Variants in MAN2C1 observed in about 807,000 individuals in gnomAD.
MAN2C1 encodes the protein mannosidase alpha class 2C member 1, also known as alpha-mannosidase 2C1.
A neutral mutation model predicts 126.9 loss-of-function variants in MAN2C1; 111 were observed. That is an observed-to-expected ratio of 0.87 (90% CI 0.75 to 1.02). The LOEUF (loss-of-function observed/expected upper bound fraction) is 1.02. MAN2C1 is among the 50% of genes least tolerant of loss of function. MAN2C1 has a pLI of 0.00. For missense variants in MAN2C1, 1,363 were observed against 1,364.4 expected, an observed-to-expected ratio of 1.00 and a Z score of 0.02; for synonymous variants, 567 against 561.5, an observed-to-expected ratio of 1.01 and a Z score of -0.14.
rs1555433832 is a variant in MAN2C1, at chr15:75,356,158, T to TGGCTGCC, written c.2941_2947dup (p.His983ArgfsTer84). 10 of 1,613,464 alleles carry TGGCTGCC rather than the reference T, an allele frequency of 6.2e-6. No individual in the cohort carries two copies. Among genetic ancestry groups the TGGCTGCC allele is most frequent in the African/African-American group, 1.3e-5 (1 of 74,922 alleles). ...CGACAAGTGCAGCCAGCAGTCCACGTGGCTGCCGTGGGCCTCATACAGCCT... is the reference window on the plus strand; with the variant it reads ...CGACAAGTGCAGCCAGCAGTCCACGTGGCTGCCGGCTGCCGTGGGCCTCATACAGCCT... On this transcript the variant is annotated frameshift_variant, in exon 25 of 26. Coordinates refer to ENST00000267978, the MANE Select transcript of MAN2C1 (RefSeq NM_006715.4). LOFTEE classifies it high-confidence loss of function. The surrounding 1 kb of genome is among the most constrained non-coding windows in gnomAD (Gnocchi z 5.8).
chr15:75,356,399 G>A lies in MAN2C1; in HGVS notation c.2788C>T (p.Pro930Ser), dbSNP rs757374453. 1.9e-6 allele frequency: 3 copies of A among 1,610,712 alleles called. No homozygotes were observed. The highest frequency in any genetic ancestry group is 1.3e-5 in the African/African-American group (1 of 75,030). ...CTGGGGGCTGGCAGAGCCAACAGGG[G>A]GAAGTTTAGGCTGTAGGCAGCTTGG... ...VIQAAYSLNF[P>S]LLALPAPSPA... Residue 930 changes from proline (P) to serine (S), a missense_variant, in exon 24 of 26, where the codon CCC (proline) becomes TCC (serine). Physicochemically the swap from Pro to Ser is moderately conservative, Grantham distance 74. Around this residue, in one of 3 missense-constraint regions of MAN2C1, gnomAD observed 668 missense variants for 650.1 expected, o/e 1.03. Coordinates refer to ENST00000267978, the MANE Select transcript of MAN2C1 (RefSeq NM_006715.4). This position sits in a 1 kb window ranked among gnomAD's most constrained non-coding sequence, Gnocchi z 5.8.
Position 75,361,903 on chromosome 15 carries a change from C to A in MAN2C1, c.1053G>T (p.Leu351Phe). ...PSGEAMVRQF[L>F]QGQNFFLQEF... ...CCTGCAGAAAGAAGTTCTGGCCCTG[C>A]AAAAACTGCCTCACCATGGCCTCTC... The change falls in exon 9 of 26, where the codon TTG becomes TTT. Residue 351 changes from leucine to phenylalanine, a missense_variant. By Grantham distance (22) the Leu-to-Phe change is conservative (BLOSUM62 0). Transcript: ENST00000267978. The surrounding 1 kb of genome is among the most constrained non-coding windows in gnomAD (Gnocchi z 5.0). The A allele has an allele frequency of 6.2e-7, 1 of 1,614,120 alleles. No homozygotes were observed.
At position 75,357,021 on chromosome 15, in the gene MAN2C1, C is replaced by T. The variant is rs185152041; in HGVS notation, c.2548-119G>A. Reference sequence around the variant, plus strand: ...CTAGAACCACACAACTGAACTCCAGCTCCCACTGTACGGGGCCCTGGGCAT... The same window carrying T: ...CTAGAACCACACAACTGAACTCCAGTTCCCACTGTACGGGGCCCTGGGCAT... On this transcript the variant is annotated intron_variant, in intron 21 of 25. Coordinates refer to ENST00000267978, the MANE Select transcript of MAN2C1 (RefSeq NM_006715.4). 1.1e-3 allele frequency: 847 copies of T among 790,614 alleles called. 4 individuals are homozygous for T. The highest frequency in any genetic ancestry group is 1.5e-3 in the Admixed American group (67 of 44,414). 49.0% of individuals were successfully genotyped at this position (790,614 alleles called of 1,614,324 possible).
At position 75,361,455 on chromosome 15, in the gene MAN2C1, T is replaced by TG; in HGVS notation, c.1219-75dup. 7.4e-7 allele frequency: 1 copy of TG among 1,350,468 alleles called. No individual in the cohort carries two copies. The allele number at this position is 1,350,468 out of a possible 1,614,324, so 83.7% of individuals were successfully genotyped here. ...GAGGCAGAGCCAGGCCTTCCAGACT[T>TG]GGTCCTGCCCCTGCCTGCTATGTGA... is the stretch of plus-strand genomic sequence containing the variant. On this transcript the variant is annotated intron_variant, in intron 10 of 25. Coordinates refer to ENST00000267978, the MANE Select transcript of MAN2C1 (RefSeq NM_006715.4). The surrounding 1 kb of genome is among the most constrained non-coding windows in gnomAD (Gnocchi z 5.0).
chr15:75,359,292 G>A, intron 17 of MAN2C1, 36 bp downstream of exon 17: 1 of 1,574,384 alleles, frequency 6.4e-7, no homozygotes, highest in Non-Finnish European at 8.6e-7. Context: ...AAGTATCCCA[G>A]CACAGTTCCT....
Position 75,362,581 on chromosome 15 carries a change from G to C in MAN2C1, c.897+61C>G. 6.4e-7 allele frequency: 1 copy of C among 1,572,386 alleles called. No homozygotes were observed. The highest frequency in any genetic ancestry group is 1.1e-5 in the South Asian group (1 of 89,188). The stretch of plus-strand genomic sequence containing the variant: ...ACCCCAGGCCTGGGAAGCCTTCAGG[G>C]CCTGTGGAGCTCCAGGGAGGGCCAC... On this transcript the variant is annotated intron_variant, in intron 7 of 25. Transcript: ENST00000267978. The surrounding 1 kb of genome is among the most constrained non-coding windows in gnomAD (Gnocchi z 4.5).
At chr15:75,360,333 G>A (rs1242520366) in intron 13 of MAN2C1, 122 bp from the exon 14 acceptor site, 1 of 1,425,604 alleles carries the variant, frequency 7.0e-7, no homozygotes. Context: ...AAGGCCTCTG[G>A]CGGGTGACCT....
intron 3 of MAN2C1, among the ~76,000 whole-genome samples, chr15:75,366,846 A>G (rs932320913): frequency 6.6e-6 from 1 of 152,216 alleles, no homozygotes; most frequent in Non-Finnish European, 1.5e-5. Context: ...GGGCCCTGGG[A>G]AGGGGTTAGG....
chr15:75,356,934 C>A lies in MAN2C1; in HGVS notation c.2548-32G>T. 1 of 1,566,132 alleles carries A rather than the reference C, an allele frequency of 6.4e-7. No homozygotes were observed. Among genetic ancestry groups the A allele is most frequent in the Non-Finnish European group, 8.8e-7 (1 of 1,137,138 alleles). On this transcript the variant is annotated intron_variant, in intron 21 of 25. Coordinates refer to ENST00000267978, the MANE Select transcript of MAN2C1 (RefSeq NM_006715.4). This position sits in a 1 kb window ranked among gnomAD's most constrained non-coding sequence, Gnocchi z 5.8. Reference sequence around the variant, plus strand: ...GGCAGATCCAAGACCCACTTGGTGGCCCTGTGCCCCTCTTTGTGCTCCCAG... The same window carrying A: ...GGCAGATCCAAGACCCACTTGGTGGACCTGTGCCCCTCTTTGTGCTCCCAG...
rs1688884012 is a variant in MAN2C1 at position 75,356,536 on chromosome 15, G to C, written c.2737+70C>G. The C allele has an allele frequency of 1.3e-6, 2 of 1,552,120 alleles. No individual in the cohort carries two copies. The highest frequency in any genetic ancestry group is 1.7e-6 in the Non-Finnish European group (2 of 1,146,538). ...AAGGGGCAGGAAGCCAGGTTGCTGG[G>C]GTTTGGGCTCAGGGAAGGGCAGAGA... is the stretch of plus-strand genomic sequence containing the variant. On this transcript the variant is annotated intron_variant, in intron 23 of 25. Coordinates refer to ENST00000267978, the MANE Select transcript of MAN2C1 (RefSeq NM_006715.4). This position sits in a 1 kb window ranked among gnomAD's most constrained non-coding sequence, Gnocchi z 5.8.
At position 75,356,287 on chromosome 15, in the gene MAN2C1, G is replaced by C. The variant is rs372102488; in HGVS notation, c.2886+14C>G. 6.2e-7 allele frequency: 1 copy of C among 1,609,582 alleles called. No individual in the cohort carries two copies. On this transcript the variant is annotated intron_variant, in intron 24 of 25. Coordinates refer to ENST00000267978, the MANE Select transcript of MAN2C1 (RefSeq NM_006715.4). This position sits in a 1 kb window ranked among gnomAD's most constrained non-coding sequence, Gnocchi z 5.8. Reference sequence around the variant, plus strand: ...CAGTTCGGAACCCCGTCCCCAGCACGTCCCACCCCTTGCCTGCTTGACGGT... The same window carrying C: ...CAGTTCGGAACCCCGTCCCCAGCACCTCCCACCCCTTGCCTGCTTGACGGT...
chr15:75,362,326 G>A lies in MAN2C1; in HGVS notation c.1008+17C>T, dbSNP rs370353202. On this transcript the variant is annotated intron_variant, in intron 8 of 25. Coordinates refer to ENST00000267978, the MANE Select transcript of MAN2C1 (RefSeq NM_006715.4). This position sits in a 1 kb window ranked among gnomAD's most constrained non-coding sequence, Gnocchi z 4.5. ...TTGTCATACAGTTCAAGGCTGAGGAGTGCCCAGTGCACTTACCATCTCCAC... is the reference window on the plus strand; with the variant it reads ...TTGTCATACAGTTCAAGGCTGAGGAATGCCCAGTGCACTTACCATCTCCAC... 5 of 1,605,874 alleles carry A rather than the reference G, an allele frequency of 3.1e-6. No individual in the cohort carries two copies. The highest frequency in any genetic ancestry group is 1.7e-4 in the Middle Eastern group (1 of 6,060).
Position 75,368,103 on chromosome 15 carries a change from G to A in MAN2C1, c.197C>T (p.Pro66Leu), listed in dbSNP as rs766140732. 3 of 1,607,684 alleles carry A rather than the reference G, an allele frequency of 1.9e-6. No individual in the cohort carries two copies. Among genetic ancestry groups the A allele is most frequent in the East Asian group, 2.2e-5 (1 of 44,652 alleles). ...TCCGAAGCTGTCGCCGACCTGCGCG[G>A]GGCGGAAGTCCCGCTGGACTGCCTC... The part of the protein sequence containing the change: ...YQEAVQRDFR[P>L]AQVGDSFGPT... The change falls in exon 2 of 26, where the codon CCC becomes CTC. Residue 66 changes from proline (P) to leucine (L), a missense_variant. By Grantham distance (98) the Pro-to-Leu change is moderately conservative. Transcript: ENST00000267978.
intron 13 of MAN2C1, 123 bp from the exon 14 acceptor site, chr15:75,360,334 C>T (rs1189111722): frequency 1.6e-5 from 22 of 1,418,760 alleles, no homozygotes; most frequent in Admixed American, 9.8e-5. Context: ...AGGCCTCTGG[C>T]GGGTGACCTG....
intron 6 of MAN2C1, chr15:75,363,335 C>T (rs548420788): frequency 2.2e-6 from 1 of 455,958 alleles, no homozygotes; most frequent in Non-Finnish European, 4.4e-6. Flanking sequence ...ACACTGCAAA[C>T]TTGTCCAGGA....
chr15:75,361,927 T>TCCACTGGG lies in MAN2C1; in HGVS notation c.1021_1028dup (p.Glu344ProfsTer7). On this transcript the variant is annotated frameshift_variant, in exon 9 of 26. Transcript: ENST00000267978. LOFTEE classifies it high-confidence loss of function. The surrounding 1 kb of genome is among the most constrained non-coding windows in gnomAD (Gnocchi z 5.0). Reference sequence around the variant, plus strand: ...GCAAAAACTGCCTCACCATGGCCTCTCCACTGGGCAGGTTCCCATCCTGGC... The same window carrying TCCACTGGG: ...GCAAAAACTGCCTCACCATGGCCTCTCCACTGGGCCACTGGGCAGGTTCCCATCCTGGC... 1.2e-6 allele frequency: 2 copies of TCCACTGGG among 1,613,966 alleles called. No individual in the cohort carries two copies. Among genetic ancestry groups the TCCACTGGG allele is most frequent in the Non-Finnish European group, 8.5e-7 (1 of 1,179,932 alleles).
Position 75,361,305 on chromosome 15 carries a change from A to C in MAN2C1, c.1295T>G (p.Met432Arg). Reference protein sequence around the residue: ...VHFPPGDSYGMQGSVEEVLKT... With the variant: ...VHFPPGDSYGRQGSVEEVLKT... ...CCTCACCTCCTCCACGCTGCCCTGC[A>C]TCCCATAGGAGTCGCCAGGTGGGAA... is the stretch of plus-strand genomic sequence containing the variant. The change falls in exon 11 of 26, where the codon ATG (methionine) becomes AGG (arginine). Residue 432 changes from methionine (M) to arginine (R), a missense_variant. Met to Arg is a moderately conservative substitution (Grantham distance 91). This residue lies in a region of MAN2C1 where 628 missense variants were observed against 609.8 expected (regional missense o/e 1.03). Transcript: ENST00000267978. This position sits in a 1 kb window ranked among gnomAD's most constrained non-coding sequence, Gnocchi z 5.0. 1 of 1,570,042 alleles carries C rather than the reference A, an allele frequency of 6.4e-7. No homozygotes were observed. The highest frequency in any genetic ancestry group is 8.6e-7 in the Non-Finnish European group (1 of 1,157,092).
chr15:75,356,589 C>T lies in MAN2C1; in HGVS notation c.2737+17G>A. The T allele has an allele frequency of 6.4e-7, 1 of 1,554,084 alleles. No individual in the cohort carries two copies. ...TGTCTAGGGCTGCAGGAAGGCCCCA[C>T]CGTCCCCAGCACTCACCCTTGTGCG... On this transcript the variant is annotated intron_variant, in intron 23 of 25. Transcript: ENST00000267978. This position sits in a 1 kb window ranked among gnomAD's most constrained non-coding sequence, Gnocchi z 5.8.
In MAN2C1 at chr15:75,358,198, G is replaced by C. The variant is rs1203448518; in HGVS notation, c.2547+3C>G. 6.2e-7 allele frequency: 1 copy of C among 1,613,990 alleles called. No homozygotes were observed. Among genetic ancestry groups the C allele is most frequent in the African/African-American group, 1.3e-5 (1 of 74,944 alleles). Reference sequence around the variant, plus strand: ...AGGCCACTCCCACCCTGCCATGTCAGACCTCAAATCGAGCCCAGTCCCAAG... The same window carrying C: ...AGGCCACTCCCACCCTGCCATGTCACACCTCAAATCGAGCCCAGTCCCAAG... On this transcript the variant is annotated splice_donor_region_variant and intron_variant, in intron 21 of 25. Coordinates refer to ENST00000267978, the MANE Select transcript of MAN2C1 (RefSeq NM_006715.4).
Sources: gnomAD v4.1 joint callset for allele counts (sites outside exome capture counted in the v4.1 genomes callset) on GRCh38, gnomAD v4.1.1 for gene constraint, gnomAD v4.1.1 regional missense constraint, Gnocchi (gnomAD v3.1) non-coding constraint, MANE v1.5 for transcripts, NCBI Gene and HGNC (gene_info 2026-07-23, HGNC 2026-07-21) for gene names.